Variants in TSPAN9 observed in about 807,000 individuals in gnomAD.
TSPAN9 encodes tetraspanin 9, also known as tetraspanin-9.
A neutral mutation model predicts 31.0 loss-of-function variants in TSPAN9; 16 were observed. The observed-to-expected ratio is 0.52, with a 90% CI of 0.35 to 0.78. The LOEUF (loss-of-function observed/expected upper bound fraction) is 0.78, where lower values mean the gene tolerates loss of function less well. Ranked by LOEUF, TSPAN9 falls within the 30% of genes least tolerant of loss-of-function variation. The probability of loss-of-function intolerance (pLI) is 0.01; values close to 1 mark genes in which losing one functional copy is unlikely to be tolerated. For synonymous variants in TSPAN9, 145 were observed against 121.6 expected (o/e 1.19, Z -1.27); for missense variants, 272 against 312.5 (o/e 0.87, Z 0.98).
intron 3 of TSPAN9, among the ~76,000 whole-genome samples, chr12:3,260,960 A>C (rs1337252188): frequency 6.6e-6 from 1 of 152,224 alleles, no homozygotes; most frequent in Admixed American, 6.5e-5. Context: ...ATGATCAGCC[A>C]TATCCCTTGG....
At chr12:3,109,268 C>CTGTGTGTGTGTG (rs1226380985) in intron 2 of TSPAN9, among the ~76,000 whole-genome samples, 8,944 of 119,034 alleles carry the variant, frequency 0.075, 542 homozygotes, top group African/African-American at 0.15. Context: ...TTCATATAGT[C>CTGTGTGTGTGTG]TGTGTGTGTG....
intron 3 of TSPAN9, among the ~76,000 whole-genome samples, chr12:3,268,133 G>A (rs916581273): frequency 1.4e-5 from 2 of 147,546 alleles, no homozygotes; most frequent in Non-Finnish European, 3.0e-5. Flanking sequence ...TGCCTATTCC[G>A]TAGGTGCTGC....
chr12:3,139,172 G>GT (rs2098333554), intron 2 of TSPAN9, among the ~76,000 whole-genome samples: 1 of 152,176 alleles, frequency 6.6e-6, no homozygotes, highest in South Asian at 2.1e-4. Context: ...TTTGCTTTTG[G>GT]TGGGGGGCGG....
At chr12:3,244,338 A>T (rs561105582) in intron 3 of TSPAN9, among the ~76,000 whole-genome samples, 73 of 149,626 alleles carry the variant, frequency 4.9e-4, no homozygotes, top group African/African-American at 1.8e-3. Context: ...CCCTTCAGCC[A>T]CTCCCTCAAG....
At chr12:3,245,280 T>C (rs2153977527) in intron 3 of TSPAN9, among the ~76,000 whole-genome samples, 1 of 152,358 alleles carries the variant, frequency 6.6e-6, no homozygotes, top group South Asian at 2.1e-4. Context: ...AGCCCATTTC[T>C]GGCTCTCGGG....
intron 3 of TSPAN9, among the ~76,000 whole-genome samples, chr12:3,225,844 G>A (rs146915226): frequency 9.2e-5 from 14 of 152,230 alleles, no homozygotes; most frequent in Admixed American, 2.0e-4. Context: ...TCCCTAGAGA[G>A]GTGGACAGGT....
At chr12:3,117,710 A>C (rs1011948963) in intron 2 of TSPAN9, among the ~76,000 whole-genome samples, 6 of 152,164 alleles carry the variant, frequency 3.9e-5, no homozygotes, top group Non-Finnish European at 1.5e-5. Flanking sequence ...TTCTGTGGTT[A>C]GTTACTCATT....
At chr12:3,140,220 T>C (rs973591665) in intron 2 of TSPAN9, among the ~76,000 whole-genome samples, 1 of 152,202 alleles carries the variant, frequency 6.6e-6, no homozygotes, top group Non-Finnish European at 1.5e-5. Flanking sequence ...GCGGTTGACC[T>C]GGCCCTGACA....
chr12:3,129,999 C>T (rs489298), intron 2 of TSPAN9, among the ~76,000 whole-genome samples: 49,015 of 152,000 alleles, frequency 0.32, 8,438 homozygotes, highest in Non-Finnish European at 0.39. Flanking sequence ...TCCCTCCCTG[C>T]ATCCTCTTTC....
At position 3,143,597 on chromosome 12, in the gene TSPAN9, T is replaced by C. The variant is rs981982849; in HGVS notation, c.-17-57580T>C. Among the ~76,000 whole-genome samples the C allele has an allele frequency of 2.0e-5, 3 of 152,180 alleles. No individual in the cohort carries two copies. The highest frequency in any genetic ancestry group is 7.2e-5 in the African/African-American group (3 of 41,454). ...ACTTCACAGATAAAAAGTATAAATG[T>C]ATGGATATAGGATATATAATAAATA... On this transcript the variant is annotated intron_variant, in intron 2 of 8. Transcript: ENST00000011898. The surrounding 1 kb of genome is among the most constrained non-coding windows in gnomAD (Gnocchi z 4.2).
At chr12:3,128,517 A>C (rs1304954995) in intron 2 of TSPAN9, among the ~76,000 whole-genome samples, 1 of 152,158 alleles carries the variant, frequency 6.6e-6, no homozygotes, top group African/African-American at 2.4e-5. Flanking sequence ...TGAGCCCAGA[A>C]GTTCAAGACC....
At position 3,172,249 on chromosome 12, in the gene TSPAN9, C is replaced by A. The variant is rs1468897402; in HGVS notation, c.-17-28928C>A. ...CCCACCCCAGCCTCAGCTCTCAGCG[C>A]ACTGCTGGGGAGCGAGGGATGCAGA... On this transcript the variant is annotated intron_variant, in intron 2 of 8. Coordinates refer to ENST00000011898, the MANE Select transcript of TSPAN9 (RefSeq NM_006675.5). The surrounding 1 kb of genome is among the most constrained non-coding windows in gnomAD (Gnocchi z 4.8). The A allele has an allele frequency of 6.6e-6, 1 of 152,332 alleles. No homozygotes were observed. Among genetic ancestry groups the A allele is most frequent in the Non-Finnish European group, 1.5e-5 (1 of 68,098 alleles). The allele number at this position is 152,332 out of a possible 1,614,324, so 9.4% of individuals were successfully genotyped here.
chr12:3,150,530 G>A (rs755014756), intron 2 of TSPAN9, among the ~76,000 whole-genome samples: 5 of 152,166 alleles, frequency 3.3e-5, no homozygotes, highest in African/African-American at 1.2e-4. Context: ...TGATATATAC[G>A]CACGTTGCTG....
intron 2 of TSPAN9, among the ~76,000 whole-genome samples, chr12:3,084,763 C>T (rs1485343957): frequency 1.3e-5 from 2 of 152,360 alleles, no homozygotes; most frequent in East Asian, 1.9e-4. Flanking sequence ...CCTTTACCAG[C>T]GGCAGCAGGT....
At chr12:3,151,835 G>A (rs1198830720) in intron 2 of TSPAN9, among the ~76,000 whole-genome samples, 5 of 152,044 alleles carry the variant, frequency 3.3e-5, no homozygotes, top group African/African-American at 1.2e-4. Context: ...AGGCAGGAGA[G>A]TCGCTTGAAC....
rs2098335788 is a variant in TSPAN9 at position 3,143,392 on chromosome 12, C to T, written c.-17-57785C>T. On this transcript the variant is annotated intron_variant, in intron 2 of 8. Coordinates refer to ENST00000011898, the MANE Select transcript of TSPAN9 (RefSeq NM_006675.5). The surrounding 1 kb of genome is among the most constrained non-coding windows in gnomAD (Gnocchi z 4.2). ...TTTGCTCACTAATTTTAGCATCCAT[C>T]AGGGGTTTTTGCTTGCAGCTCTTAT... Among the ~76,000 whole-genome samples, 2 of 151,538 alleles carry T rather than the reference C, an allele frequency of 1.3e-5. No individual in the cohort carries two copies. The highest frequency in any genetic ancestry group is 6.6e-5 in the Admixed American group (1 of 15,208).
rs2153970075 is a variant in TSPAN9, at chr12:3,168,559, T to C, written c.-17-32618T>C. ...AGCTGGGGGGCGGTGGGGAGCTGACTTACTTTCTCTTTGCCCCCCTCTATT... is the reference window on the plus strand; with the variant it reads ...AGCTGGGGGGCGGTGGGGAGCTGACCTACTTTCTCTTTGCCCCCCTCTATT... On this transcript the variant is annotated intron_variant, in intron 2 of 8. Transcript: ENST00000011898. This position sits in a 1 kb window ranked among gnomAD's most constrained non-coding sequence, Gnocchi z 4.0. Among the ~76,000 whole-genome samples, 1 of 152,264 alleles carries C rather than the reference T, an allele frequency of 6.6e-6. No homozygotes were observed. The highest frequency in any genetic ancestry group is 6.5e-5 in the Admixed American group (1 of 15,292).
intron 3 of TSPAN9, among the ~76,000 whole-genome samples, chr12:3,217,064 C>T (rs180916402): frequency 1.3e-5 from 2 of 152,310 alleles, no homozygotes; most frequent in Admixed American, 6.5e-5. Context: ...GCCTGTTGCC[C>T]GGCTGTTTAA....
chr12:3,222,957 A>G (rs61907330), intron 3 of TSPAN9, among the ~76,000 whole-genome samples: 9,142 of 150,886 alleles, frequency 0.061, 357 homozygotes, highest in Non-Finnish European at 0.079. Flanking sequence ...GAAAGTGCCT[A>G]TCAGGCTAAG....
Sources: gnomAD v4.1 joint callset for allele counts (sites outside exome capture counted in the v4.1 genomes callset) on GRCh38, gnomAD v4.1.1 for gene constraint, Gnocchi (gnomAD v3.1) non-coding constraint, MANE v1.5 for transcripts, NCBI Gene and HGNC (gene_info 2026-07-23, HGNC 2026-07-21) for gene names.